Variants in HFM1 observed in about 807,000 individuals in gnomAD.
HFM1 encodes probable ATP-dependent DNA helicase HFM1.
HFM1 carries 169 observed loss-of-function variants against 192.1 expected under a neutral mutation model. The observed-to-expected ratio is 0.88, with a 90% CI of 0.78 to 1.00. The LOEUF is 1.00. HFM1 is among the 50% of genes least tolerant of loss of function. The pLI, the probability that HFM1 is intolerant of heterozygous loss-of-function variation, is 0.00. For synonymous variants in HFM1, 525 were observed against 537.8 expected, an observed-to-expected ratio of 0.98 and a Z score of 0.33; for missense variants, 1,661 against 1,668.0, an observed-to-expected ratio of 1.00 and a Z score of 0.07.
chr1:91,287,891 T>C (rs569181210), intron 30 of HFM1, among the ~76,000 whole-genome samples: 1 of 152,118 alleles, frequency 6.6e-6, no homozygotes, highest in South Asian at 2.1e-4. Context: ...GCCGATGCGA[T>C]GAATTGGAAG....
chr1:91,361,841 A>AAT (rs1658562166), intron 13 of HFM1, among the ~76,000 whole-genome samples: 1 of 152,094 alleles, frequency 6.6e-6, no homozygotes, highest in Non-Finnish European at 1.5e-5. Context: ...GCACATCAAA[A>AAT]AGCTTACCCA....
intron 30 of HFM1, among the ~76,000 whole-genome samples, chr1:91,306,022 T>C (rs907145466): frequency 1.3e-5 from 2 of 152,196 alleles, no homozygotes; most frequent in African/African-American, 4.8e-5. Flanking sequence ...CTATAGTTTT[T>C]GTAGATATTC....
At chr1:91,378,792 A>G (rs1056667762) in intron 9 of HFM1, among the ~76,000 whole-genome samples, 3 of 152,048 alleles carry the variant, frequency 2.0e-5, no homozygotes, top group Non-Finnish European at 4.4e-5. Flanking sequence ...TACTTAGGTA[A>G]AAGAAAAAAG....
Position 91,375,556 on chromosome 1 carries a change from T to C in HFM1, c.1567A>G (p.Met523Val). ...LNYKIASVIQ[M>V]YSDQKPTLVF... ...AGTGTGGGTTTCTGATCAGAGTACATTTGTATAACACTGGCAATTTTGTAG... is the reference window on the plus strand; with the variant it reads ...AGTGTGGGTTTCTGATCAGAGTACACTTGTATAACACTGGCAATTTTGTAG... The change falls in exon 12 of 39, where the codon ATG (methionine) becomes GTG (valine). Residue 523 changes from methionine to valine, a missense_variant. By Grantham distance (21) the Met-to-Val change is conservative (BLOSUM62 1). Transcript: ENST00000370425. The C allele has an allele frequency of 6.2e-7, 1 of 1,613,440 alleles. No individual in the cohort carries two copies. The highest frequency in any genetic ancestry group is 2.2e-5 in the East Asian group (1 of 44,848).
intron 30 of HFM1, among the ~76,000 whole-genome samples, chr1:91,313,038 T>C (rs1650699863): frequency 1.3e-5 from 2 of 152,166 alleles, no homozygotes; most frequent in Admixed American, 1.3e-4. Context: ...TCCCCAGCCA[T>C]GTGCAACTGT....
chr1:91,285,079 CTT>C (rs1440163526), intron 30 of HFM1, among the ~76,000 whole-genome samples: 4 of 152,122 alleles, frequency 2.6e-5, no homozygotes, highest in African/African-American at 7.2e-5. Flanking sequence ...CTCATTCTCT[CTT>C]GTCTGCCACC....
chr1:91,290,920 T>C (rs1328899775), intron 30 of HFM1, among the ~76,000 whole-genome samples: 2 of 152,130 alleles, frequency 1.3e-5, no homozygotes, highest in Non-Finnish European at 2.9e-5. Context: ...CTCAACTACA[T>C]GGAAATTGAA....
chr1:91,377,996 C>T, intron 11 of HFM1, 29 bp downstream of exon 11: 1 of 1,594,600 alleles, frequency 6.3e-7, no homozygotes, highest in Non-Finnish European at 8.6e-7. Context: ...CATAAAAAAC[C>T]TAAGAGCTCA....
chr1:91,284,250 A>ATT (rs201760172), intron 30 of HFM1, among the ~76,000 whole-genome samples: 1 of 148,060 alleles, frequency 6.8e-6, no homozygotes. Context: ...TATTATTATT[A>ATT]TTTTTTTTTT....
intron 30 of HFM1, among the ~76,000 whole-genome samples, chr1:91,289,912 A>C (rs1668535447): frequency 6.6e-6 from 1 of 151,908 alleles, no homozygotes; most frequent in South Asian, 2.1e-4. Context: ...CTTAAAGAAA[A>C]TAATTTTCAG....
At chr1:91,306,261 G>A (rs948546091) in intron 30 of HFM1, among the ~76,000 whole-genome samples, 1 of 152,162 alleles carries the variant, frequency 6.6e-6, no homozygotes, top group Non-Finnish European at 1.5e-5. Flanking sequence ...GAACCTGGGA[G>A]GTGGAGATTA....
At chr1:91,356,593 A>G (rs2101785972) in intron 13 of HFM1, among the ~76,000 whole-genome samples, 1 of 152,314 alleles carries the variant, frequency 6.6e-6, no homozygotes, top group Non-Finnish European at 1.5e-5. Context: ...AGAAGAAAGG[A>G]AATAATAAAG....
chr1:91,298,264 G>T (rs1301021192), intron 30 of HFM1, among the ~76,000 whole-genome samples: 1 of 152,146 alleles, frequency 6.6e-6, no homozygotes, highest in Non-Finnish European at 1.5e-5. Context: ...AACAAACAAA[G>T]CCTCCAAGAA....
intron 32 of HFM1, among the ~76,000 whole-genome samples, chr1:91,276,340 T>A (rs1666802698): frequency 6.6e-6 from 1 of 152,178 alleles, no homozygotes; most frequent in Admixed American, 6.5e-5. Context: ...TATCTCTCAC[T>A]CTACTACAAA....
chr1:91,378,399 T>C lies in HFM1; in HGVS notation c.1236+4A>G, dbSNP rs371131562. On this transcript the variant is annotated splice_donor_region_variant and intron_variant, in intron 10 of 38. Coordinates refer to ENST00000370425, the MANE Select transcript of HFM1 (RefSeq NM_001017975.6). ...TTATCTCTGAAAGCGAATGCATTCA[T>C]TACCTCATCAATGAGAAACAGTCGA... The C allele has an allele frequency of 6.3e-7, 1 of 1,585,910 alleles. No homozygotes were observed. Among genetic ancestry groups the C allele is most frequent in the Non-Finnish European group, 8.6e-7 (1 of 1,156,890 alleles).
At chr1:91,307,006 A>G (rs1163343480) in intron 30 of HFM1, among the ~76,000 whole-genome samples, 1 of 152,156 alleles carries the variant, frequency 6.6e-6, no homozygotes, top group Non-Finnish European at 1.5e-5. Context: ...GCTTTTGAAT[A>G]TCTTCAGTAA....
At chr1:91,278,768 G>A (rs1028705439) in intron 30 of HFM1, among the ~76,000 whole-genome samples, 1 of 152,040 alleles carries the variant, frequency 6.6e-6, no homozygotes, top group African/African-American at 2.4e-5. Flanking sequence ...AAGGTAAAAA[G>A]AAAACACCTG....
At chr1:91,298,305 C>T (rs1648034590) in intron 30 of HFM1, among the ~76,000 whole-genome samples, 1 of 152,204 alleles carries the variant, frequency 6.6e-6, no homozygotes, top group African/African-American at 2.4e-5. Context: ...ACCAAGTCTA[C>T]ATCTGATTGG....
chr1:91,286,660 G>A (rs1218872300), intron 30 of HFM1, among the ~76,000 whole-genome samples: 2 of 152,162 alleles, frequency 1.3e-5, no homozygotes, highest in Non-Finnish European at 2.9e-5. Context: ...GAGGAGCCAA[G>A]ATGGCCGAAT....
Sources: gnomAD v4.1 joint callset for allele counts (sites outside exome capture counted in the v4.1 genomes callset) on GRCh38, gnomAD v4.1.1 for gene constraint, MANE v1.5 for transcripts, NCBI Gene and HGNC (gene_info 2026-07-23, HGNC 2026-07-21) for gene names.